Variants in PZP observed in about 807,000 individuals in gnomAD.
The protein encoded by PZP is PZP alpha-2-macroglobulin like.
Under a neutral mutation model 179.8 loss-of-function variants are expected in PZP, and 150 were observed. That is an observed-to-expected ratio of 0.83 (90% CI 0.73 to 0.96). The LOEUF (loss-of-function observed/expected upper bound fraction) is 0.96. PZP is among the 40% of genes least tolerant of loss of function. The pLI, the probability that PZP is intolerant of heterozygous loss-of-function variation, is 0.00. For missense variants in PZP, 1,689 were observed against 1,764.0 expected (o/e 0.96, Z 0.76); for synonymous variants, 624 against 652.3 (o/e 0.96, Z 0.66).
At chr12:9,168,585 TACTC>T in intron 17 of PZP, 1 of 296,428 alleles carries the variant, frequency 3.4e-6, no homozygotes, top group Non-Finnish European at 6.2e-6. Flanking sequence ...TAATCAGAAT[TACTC>T]TTTCTTTCCA....
chr12:9,204,462 A>G (rs116088179), intron 1 of PZP, among the ~76,000 whole-genome samples: 3 of 152,222 alleles, frequency 2.0e-5, no homozygotes, highest in Non-Finnish European at 4.4e-5. Flanking sequence ...AGCATATATC[A>G]TTACACAAAA....
At chr12:9,185,508 A>C (rs149774041) in intron 13 of PZP, among the ~76,000 whole-genome samples, 257 of 152,374 alleles carry the variant, frequency 1.7e-3, no homozygotes, top group Non-Finnish European at 2.9e-3. Context: ...CTTGGAAAAC[A>C]TATTTTAGGA....
chr12:9,175,451 A>C (rs1942299765), intron 15 of PZP, among the ~76,000 whole-genome samples: 1 of 152,208 alleles, frequency 6.6e-6, no homozygotes, highest in Admixed American at 6.5e-5. Context: ...CAAAAGCAAA[A>C]ATTGGCAAAT....
At chr12:9,179,616 G>T (rs140044485) in intron 15 of PZP, among the ~76,000 whole-genome samples, 1 of 152,076 alleles carries the variant, frequency 6.6e-6, no homozygotes, top group Non-Finnish European at 1.5e-5. Flanking sequence ...TAAATAGTTC[G>T]ATCTGTTAAA....
chr12:9,195,139 C>G (rs1943693280), intron 10 of PZP, among the ~76,000 whole-genome samples: 1 of 152,020 alleles, frequency 6.6e-6, no homozygotes, highest in Non-Finnish European at 1.5e-5. Flanking sequence ...TGATGAATAT[C>G]TCAATTATGC....
intron 21 of PZP, among the ~76,000 whole-genome samples, chr12:9,163,218 C>T (rs1042022487): frequency 5.3e-5 from 8 of 149,588 alleles, no homozygotes; most frequent in Non-Finnish European, 7.4e-5. Flanking sequence ...TTTGGGAGGC[C>T]GAGAAGGGAG....
At chr12:9,157,115 G>C in intron 28 of PZP, 60 bp downstream of exon 28, 1 of 1,521,800 alleles carries the variant, frequency 6.6e-7, no homozygotes, top group Non-Finnish European at 9.0e-7. Context: ...AATGTGTGCT[G>C]TTCCCCTCCC....
intron 17 of PZP, 60 bp from the exon 18 acceptor site, chr12:9,166,262 T>G: frequency 6.5e-7 from 1 of 1,537,922 alleles, no homozygotes; most frequent in Non-Finnish European, 8.8e-7. Context: ...ATGGTGCACA[T>G]GTGAGACGTT....
chr12:9,139,117 G>GT, the PZP span, among the ~76,000 whole-genome samples: 2 of 151,762 alleles, frequency 1.3e-5, no homozygotes, highest in African/African-American at 2.4e-5. Flanking sequence ...TAATTTTAGT[G>GT]TTTTTTATTT....
At chr12:9,185,790 ATTTCT>A (rs71045238) in intron 13 of PZP, among the ~76,000 whole-genome samples, 19 of 134,320 alleles carry the variant, frequency 1.4e-4, no homozygotes, top group South Asian at 9.7e-4. Context: ...TATGTTCAAC[ATTTCT>A]TTTCTTTTCT....
Position 9,187,703 on chromosome 12 carries a change from G to A in PZP, c.1546+4490C>T, listed in dbSNP as rs1943209869. 2.0e-5 allele frequency among the ~76,000 whole-genome samples: 3 copies of A among 152,182 alleles called. No homozygotes were observed. In the South Asian group the frequency reaches 6.2e-4, roughly 32 times the overall value. ...GGCGGTGTTAAGAGGGAAACTTATA[G>A]CACTAAACATCCACATCGAAAAGTT... On this transcript the variant is annotated intron_variant, in intron 13 of 35. Coordinates refer to ENST00000261336, the MANE Select transcript of PZP (RefSeq NM_002864.3).
the PZP span, among the ~76,000 whole-genome samples, chr12:9,139,486 A>G: frequency 6.6e-6 from 1 of 152,166 alleles, no homozygotes; most frequent in Non-Finnish European, 1.5e-5. Flanking sequence ...TTATGGATAC[A>G]GATTTCTGTC....
At chr12:9,141,603 T>C in the PZP span, among the ~76,000 whole-genome samples, 1 of 152,234 alleles carries the variant, frequency 6.6e-6, no homozygotes, top group Non-Finnish European at 1.5e-5. Context: ...CTTCCAAAAC[T>C]TGCTTAAACC....
chr12:9,153,045 C>G (rs773764787), intron 30 of PZP, 80 bp downstream of exon 30: 1 of 1,604,576 alleles, frequency 6.2e-7, no homozygotes, highest in African/African-American at 1.3e-5. Context: ...TTTTACTTTC[C>G]CAGGAAGGAA....
chr12:9,205,854 T>C (rs764610353), intron 1 of PZP, among the ~76,000 whole-genome samples: 1 of 152,314 alleles, frequency 6.6e-6, no homozygotes, highest in South Asian at 2.1e-4. Context: ...CAAGGATAAT[T>C]GAGTTGTGGA....
Position 9,168,872 on chromosome 12 carries a change from C to T in PZP, c.2104G>A (p.Gly702Arg). The T allele has an allele frequency of 6.2e-7, 1 of 1,610,908 alleles. No homozygotes were observed. Among genetic ancestry groups the T allele is most frequent in the South Asian group, 1.1e-5 (1 of 90,726 alleles). ...TAAAAGCAAATTGCTGTTTTACCTC[C>T]ATAGTATCCTTGACCTACTGCTCCT... ...SAGAVGQGYY[G>R]AGLGVVERPY... Residue 702 changes from glycine (G) to arginine (R), a missense_variant, in exon 17 of 36, where the codon GGA (glycine) becomes AGA (arginine). Transcript: ENST00000261336.
rs1406766121 is a variant in PZP, at chr12:9,196,388, T to G, written c.1034A>C (p.Lys345Thr). 1 of 1,613,954 alleles carries G rather than the reference T, an allele frequency of 6.2e-7. No homozygotes were observed. Among genetic ancestry groups the G allele is most frequent in the South Asian group, 1.1e-5 (1 of 91,070 alleles). Residue 345 changes from lysine (K) to threonine (T), a missense_variant, in exon 10 of 36, where the codon AAA becomes ACA. Coordinates refer to ENST00000261336, the MANE Select transcript of PZP (RefSeq NM_002864.3). ...RISEITNIVSKLKFVKVDSHF... is the reference protein window; with the variant it reads ...RISEITNIVSTLKFVKVDSHF... ...TGAATCCACTTTCACGAATTTGAGT[T>G]TGGATACAATGTTTGTGATTTCACT...
At position 9,165,354 on chromosome 12, in the gene PZP, CCA is replaced by C. The variant is rs1480413185; in HGVS notation, c.2270_2271del (p.Val757GlyfsTer2). 3 of 1,613,924 alleles carry C rather than the reference CCA, an allele frequency of 1.9e-6. No homozygotes were observed. Among genetic ancestry groups the C allele is most frequent in the Admixed American group, 1.7e-5 (1 of 60,000 alleles). ...TCAGGGACTGTTACTCCTACCTCAG[CCA>C]CACCTGATGAGCTGGGGAGGAGGGC... ...WELVAVNSSGVAEVGVTVPDT... is the reference protein window; with the variant it reads ...WELVAVNSSGXAEVGVTVPDT... On this transcript the variant is annotated frameshift_variant, in exon 19 of 36. Transcript: ENST00000261336. LOFTEE classifies it high-confidence loss of function.
chr12:9,159,095 T>C (rs1331568117), intron 25 of PZP, among the ~76,000 whole-genome samples: 1 of 152,172 alleles, frequency 6.6e-6, no homozygotes, highest in African/African-American at 2.4e-5. Context: ...TATCATCTAG[T>C]AGAAGGTAGT....
Sources: allele counts gnomAD v4.1 joint callset (sites outside exome capture counted in the v4.1 genomes callset), GRCh38; gene constraint gnomAD v4.1.1; transcripts MANE v1.5; gene names NCBI Gene and HGNC (gene_info 2026-07-23, HGNC 2026-07-21).